The following SAMD12 variants were observed in gnomAD, a reference collection of about 807,000 sequenced individuals.
The protein encoded by SAMD12 is sterile alpha motif domain containing 12.
A neutral mutation model predicts 15.0 loss-of-function variants in SAMD12; 9 were observed. The ratio of observed to expected loss-of-function variants is 0.60; its 90% CI spans 0.36 to 1.05. SAMD12 has a LOEUF of 1.05. Among genes scored for constraint, SAMD12 ranks in the 50% least tolerant of loss-of-function variants. The pLI, the probability that SAMD12 is intolerant of heterozygous loss-of-function variation, is 0.01. For synonymous variants in SAMD12, 86 were observed against 90.1 expected (o/e 0.96, Z 0.25); for missense variants, 230 against 234.2 (o/e 0.98, Z 0.12).
chr8:118,364,308 G>C (rs1010780249), intron 4 of SAMD12, among the ~76,000 whole-genome samples: 1 of 152,144 alleles, frequency 6.6e-6, no homozygotes, highest in African/African-American at 2.4e-5. Context: ...CAGCAGTGCT[G>C]TCTCCTGAGA....
In SAMD12 at chr8:118,229,081, C is replaced by T. The variant is rs570663608; in HGVS notation, c.434-31349G>A. ...TTCTCACTGATATGTGGGAGCTAAG[C>T]TATGAGAACGCAAAGGCATAAGAAT... On this transcript the variant is annotated intron_variant, in intron 4 of 4. Coordinates refer to the SAMD12 transcript ENST00000409003. 2.0e-5 allele frequency among the ~76,000 whole-genome samples: 3 copies of T among 152,096 alleles called. No individual in the cohort carries two copies. In the South Asian group the frequency reaches 6.2e-4, roughly 32 times the overall value.
exon 5 of SAMD12, chr8:118,195,257 G>T (rs2129748099): frequency 6.6e-6 from 1 of 152,370 alleles, no homozygotes; most frequent in African/African-American, 2.4e-5. Context: ...AGAGTCAGCA[G>T]TAGTCTCACA....
chr8:118,620,847 C>A (rs1209150199), intron 1 of SAMD12, among the ~76,000 whole-genome samples: 1 of 152,194 alleles, frequency 6.6e-6, no homozygotes, highest in Non-Finnish European at 1.5e-5. Context: ...GACCTGACTG[C>A]ACTCAGAAAC....
chr8:118,541,023 G>A (rs551928224), intron 2 of SAMD12, among the ~76,000 whole-genome samples: 13 of 152,256 alleles, frequency 8.5e-5, no homozygotes, highest in East Asian at 5.8e-4. Context: ...GCAGAATTGC[G>A]TAAACCTAGA....
At chr8:118,560,765 G>A (rs1346661834) in intron 2 of SAMD12, among the ~76,000 whole-genome samples, 1 of 151,708 alleles carries the variant, frequency 6.6e-6, no homozygotes, top group East Asian at 1.9e-4. Context: ...GCATGTGAGA[G>A]GTCACATGAT....
the SAMD12 span, among the ~76,000 whole-genome samples, chr8:118,174,252 T>C: frequency 6.6e-6 from 1 of 152,222 alleles, no homozygotes; most frequent in African/African-American, 2.4e-5. Flanking sequence ...TTGTTGCATG[T>C]GGACCTGTTT....
intron 4 of SAMD12, among the ~76,000 whole-genome samples, chr8:118,223,294 TCTCTC>T (rs1563702786): frequency 1.3e-5 from 2 of 152,154 alleles, no homozygotes; most frequent in African/African-American, 4.8e-5. Context: ...ATCCAAGACT[TCTCTC>T]CTATACATTA....
intron 4 of SAMD12, among the ~76,000 whole-genome samples, chr8:118,293,086 C>T (rs1490946358): frequency 1.3e-5 from 2 of 148,426 alleles, no homozygotes; most frequent in African/African-American, 2.5e-5. Context: ...AAATCAATAA[C>T]AAACCTTGCA....
chr8:118,485,595 T>C (rs1487505606), intron 2 of SAMD12, among the ~76,000 whole-genome samples: 1 of 152,228 alleles, frequency 6.6e-6, no homozygotes, highest in South Asian at 2.1e-4. Flanking sequence ...ATATGCATAT[T>C]ATAAATTAAA....
intron 1 of SAMD12, among the ~76,000 whole-genome samples, chr8:118,594,396 T>G (rs1356185493): frequency 6.6e-6 from 1 of 152,078 alleles, no homozygotes; most frequent in East Asian, 1.9e-4. Flanking sequence ...GCACATGAGT[T>G]TTAATGTTAG....
At chr8:118,493,174 C>T (rs1006388906) in intron 2 of SAMD12, among the ~76,000 whole-genome samples, 3 of 152,132 alleles carry the variant, frequency 2.0e-5, no homozygotes, top group Non-Finnish European at 4.4e-5. Context: ...AAATAAAGAA[C>T]ATTTTCTTCC....
intron 3 of SAMD12, among the ~76,000 whole-genome samples, chr8:118,389,217 G>A (rs1820138402): frequency 6.6e-6 from 1 of 152,196 alleles, no homozygotes; most frequent in Admixed American, 6.5e-5. Flanking sequence ...ATGTATTTTA[G>A]TTAGAATTTC....
chr8:118,210,167 C>T (rs918638008), intron 4 of SAMD12, among the ~76,000 whole-genome samples: 2 of 152,316 alleles, frequency 1.3e-5, no homozygotes, highest in African/African-American at 2.4e-5. Context: ...ATAATAATAG[C>T]TAACATTTGT....
rs925127548 is a variant in SAMD12 at position 118,217,293 on chromosome 8, C to T, written c.434-19561G>A. 7.2e-5 allele frequency among the ~76,000 whole-genome samples: 11 copies of T among 152,208 alleles called. 1 individual carries two copies. The highest frequency in any genetic ancestry group is 5.8e-4 in the East Asian group (3 of 5,200). ...CTGGGATTACAGGCGTGAGCCACTG[C>T]GCCCGGGCCTGGTCTCTAACTTTCT... On this transcript the variant is annotated intron_variant, in intron 4 of 4. Coordinates refer to the SAMD12 transcript ENST00000409003.
intron 4 of SAMD12, among the ~76,000 whole-genome samples, chr8:118,369,311 G>A (rs1400113774): frequency 6.6e-6 from 1 of 152,172 alleles, no homozygotes; most frequent in African/African-American, 2.4e-5. Context: ...ATGGGGAAAG[G>A]ATTCCCTATT....
chr8:118,351,195 G>T (rs577380840), intron 4 of SAMD12, among the ~76,000 whole-genome samples: 6 of 152,130 alleles, frequency 3.9e-5, no homozygotes, highest in African/African-American at 1.4e-4. Context: ...TACAAGGAAG[G>T]CATCAACTAC....
intron 4 of SAMD12, among the ~76,000 whole-genome samples, chr8:118,224,325 G>C (rs1027281111): frequency 1.3e-5 from 2 of 152,096 alleles, no homozygotes; most frequent in African/African-American, 4.8e-5. Flanking sequence ...AGTAAGGAAA[G>C]AAAAACCACT....
rs1450486011 is a variant in SAMD12, at chr8:118,379,451, C to T, written c.572G>A (p.Arg191Lys). ...VRENLLLFLH[R>K]ISIIENSIQI ...TATACTATTTTCTATGATGGAAATT[C>T]TGTGAAGAAACAATAACAAATTCTC... The change falls in exon 4 of 4, where the codon AGA becomes AAA. Residue 191 changes from arginine to lysine, a missense_variant. Coordinates refer to ENST00000314727, the MANE Select transcript of SAMD12 (RefSeq NM_207506.3). 1 of 1,613,666 alleles carries T rather than the reference C, an allele frequency of 6.2e-7. No homozygotes were observed. The highest frequency in any genetic ancestry group is 8.5e-7 in the Non-Finnish European group (1 of 1,179,764).
chr8:118,438,514 G>A (rs1822640222), intron 3 of SAMD12, among the ~76,000 whole-genome samples: 3 of 151,612 alleles, frequency 2.0e-5, no homozygotes, highest in South Asian at 2.1e-4. Context: ...TTTGGTTCAC[G>A]CACCCGCCTC....
Sources: allele counts gnomAD v4.1 joint callset (sites outside exome capture counted in the v4.1 genomes callset), GRCh38; gene constraint gnomAD v4.1.1; transcripts MANE v1.5; gene names NCBI Gene and HGNC (gene_info 2026-07-23, HGNC 2026-07-21).